Variants in ATG4B observed in about 807,000 individuals in gnomAD.
ATG4B encodes autophagy related 4B cysteine peptidase.
Under a neutral mutation model 56.6 loss-of-function variants are expected in ATG4B, and 29 were observed. The observed-to-expected ratio is 0.51, with a 90% CI of 0.38 to 0.70. ATG4B has a LOEUF of 0.70. ATG4B is among the 30% of genes least tolerant of loss of function. The pLI is 0.00. For missense variants in ATG4B, 461 were observed against 515.5 expected (o/e 0.89, Z 1.02); for synonymous variants, 224 against 206.1 (o/e 1.09, Z -0.74).
intron 12 of ATG4B, 103 bp downstream of exon 12, chr2:241,671,508 G>A: frequency 6.4e-7 from 1 of 1,553,570 alleles, no homozygotes; most frequent in Non-Finnish European, 8.7e-7. Flanking sequence ...GTGTGTGTGA[G>A]CCTGAGCCGT....
intron 1 of ATG4B, among the ~76,000 whole-genome samples, chr2:241,645,965 C>CGCA (rs1159101954): frequency 3.2e-4 from 49 of 152,298 alleles, no homozygotes; most frequent in African/African-American, 1.1e-3. Flanking sequence ...CTGCGCCACT[C>CGCA]CTGTTCACTG....
rs930952897 is a variant in ATG4B, at chr2:241,650,951, T to G, written c.11-59T>G. 13 of 1,419,102 alleles carry G rather than the reference T, an allele frequency of 9.2e-6. No homozygotes were observed. In the African/African-American group the frequency reaches 1.0e-4, roughly 11 times the overall value. The allele number at this position is 1,419,102 out of a possible 1,614,324, so 87.9% of individuals were successfully genotyped here. ...ACAGAAATGCTGTAAATGGCCTCTT[T>G]CGATACTAGTTTATGAAATTATAAG... is the stretch of plus-strand genomic sequence containing the variant. On this transcript the variant is annotated intron_variant, in intron 1 of 12. Coordinates refer to ENST00000404914, the MANE Select transcript of ATG4B (RefSeq NM_013325.5).
intron 1 of ATG4B, among the ~76,000 whole-genome samples, chr2:241,645,261 T>C (rs1231969751): frequency 6.7e-6 from 1 of 149,590 alleles, no homozygotes. Flanking sequence ...ATTGGCTCTT[T>C]TGTAGGAATC....
intron 3 of ATG4B, chr2:241,652,004 C>T (rs1439284471): frequency 7.7e-7 from 1 of 1,297,024 alleles, no homozygotes; most frequent in Non-Finnish European, 1.0e-6. Flanking sequence ...CATGCTTCCT[C>T]AGTGCCAGGT....
At chr2:241,660,167 C>G (rs796098250) in intron 7 of ATG4B, among the ~76,000 whole-genome samples, 1 of 152,148 alleles carries the variant, frequency 6.6e-6, no homozygotes, top group Non-Finnish European at 1.5e-5. Flanking sequence ...TCCAGCCTGG[C>G]CACAGAGCGA....
rs1481238301 is a variant in ATG4B at position 241,668,451 on chromosome 2, T to TG, written c.812-86dup. The stretch of plus-strand genomic sequence containing the variant: ...CTGCCCACTGCTTCTCAGTGTGATG[T>TG]GGGTGCAGTGGGTCTGAAATGCGGC... On this transcript the variant is annotated intron_variant, in intron 9 of 12. Coordinates refer to ENST00000404914, the MANE Select transcript of ATG4B (RefSeq NM_013325.5). The surrounding 1 kb of genome is among the most constrained non-coding windows in gnomAD (Gnocchi z 4.2). The TG allele has an allele frequency of 2.7e-6, 4 of 1,507,838 alleles. No homozygotes were observed. The African/African-American group carries it at 5.5e-5, about 21-fold the overall frequency. The allele number at this position is 1,507,838 out of a possible 1,614,324, so 93.4% of individuals were successfully genotyped here.
At chr2:241,644,752 C>T (rs920074461) in intron 1 of ATG4B, among the ~76,000 whole-genome samples, 2 of 152,078 alleles carry the variant, frequency 1.3e-5, no homozygotes, top group Admixed American at 1.3e-4. Context: ...GAGTTCGAGA[C>T]CAGCCTGACC....
intron 1 of ATG4B, among the ~76,000 whole-genome samples, chr2:241,649,703 C>T (rs2068170869): frequency 6.6e-6 from 1 of 152,180 alleles, no homozygotes; most frequent in Non-Finnish European, 1.5e-5. Flanking sequence ...CATGGGTATC[C>T]TCAGCCACAG....
At chr2:241,638,071 G>A (rs959911337) in intron 1 of ATG4B, among the ~76,000 whole-genome samples, 1 of 151,732 alleles carries the variant, frequency 6.6e-6, no homozygotes, top group African/African-American at 2.4e-5. Context: ...GGAGAGGCGC[G>A]GCGGCGAACG....
intron 7 of ATG4B, among the ~76,000 whole-genome samples, chr2:241,660,095 C>G (rs1323648677): frequency 2.6e-5 from 4 of 152,156 alleles, no homozygotes; most frequent in Non-Finnish European, 2.9e-5. Flanking sequence ...GAGGCTGAGG[C>G]AGAAGAATCG....
chr2:241,638,746 A>G (rs565549331), intron 1 of ATG4B, among the ~76,000 whole-genome samples: 1 of 152,352 alleles, frequency 6.6e-6, no homozygotes, highest in East Asian at 1.9e-4. Flanking sequence ...TAAATGTGGT[A>G]GGTGGCTGGA....
chr2:241,639,652 CA>C (rs1275348508), intron 1 of ATG4B, among the ~76,000 whole-genome samples: 1 of 152,152 alleles, frequency 6.6e-6, no homozygotes, highest in Non-Finnish European at 1.5e-5. Context: ...AGAGGGGACT[CA>C]AGGGTGGTCT....
intron 1 of ATG4B, 99 bp downstream of exon 1, chr2:241,637,823 CGCCGGTGCGGGCCAGGCTGG>C: frequency 1.5e-6 from 2 of 1,311,848 alleles, no homozygotes. Context: ...CCTCGGGGCA[CGCCGGTGCGGGCCAGGCTGG>C]GCCGGGGCGG....
At position 241,666,857 on chromosome 2, in the gene ATG4B, C is replaced by T. The variant is rs1251240871; in HGVS notation, c.732+19C>T. 10 of 1,543,830 alleles carry T rather than the reference C, an allele frequency of 6.5e-6. No homozygotes were observed. The highest frequency in any genetic ancestry group is 3.9e-5 in the Admixed American group (2 of 51,198). On this transcript the variant is annotated intron_variant, in intron 8 of 12. Coordinates refer to ENST00000404914, the MANE Select transcript of ATG4B (RefSeq NM_013325.5). Reference sequence around the variant, plus strand: ...GCTGAAGGTGGGTCCTGCCGTGCGGCGCTTGCCCTGAGTCCCCGTCCCCTT... The same window carrying T: ...GCTGAAGGTGGGTCCTGCCGTGCGGTGCTTGCCCTGAGTCCCCGTCCCCTT...
chr2:241,650,584 T>A (rs1041659863), intron 1 of ATG4B, among the ~76,000 whole-genome samples: 4 of 152,056 alleles, frequency 2.6e-5, no homozygotes, highest in Non-Finnish European at 4.4e-5. Flanking sequence ...AAGGAGGTGG[T>A]TTAACTTTAT....
rs1356453513 is a variant in ATG4B, at chr2:241,651,858, A to G, written c.184+523A>G. ...AGGTGAATGTGACATGTTTTTATGT[A>G]ACACTAAGGTGCATTCTGTTAAAAG... On this transcript the variant is annotated intron_variant, in intron 3 of 12. Transcript: ENST00000404914. This position sits in a 1 kb window ranked among gnomAD's most constrained non-coding sequence, Gnocchi z 4.1. The G allele has an allele frequency of 2.0e-5, 26 of 1,283,174 alleles. 1 individual carries two copies. In the Admixed American group the frequency reaches 6.0e-4, roughly 30 times the overall value. 79.5% of individuals were successfully genotyped at this position (1,283,174 alleles called of 1,614,324 possible). A position where few individuals can be genotyped will look rare whatever the true frequency, so the allele number is the denominator to read the frequency against.
chr2:241,637,834 G>T, intron 1 of ATG4B, 110 bp downstream of exon 1: 1 of 1,167,302 alleles, frequency 8.6e-7, no homozygotes, highest in Non-Finnish European at 1.1e-6. Flanking sequence ...GCCGGTGCGG[G>T]CCAGGCTGGG....
chr2:241,666,620 A>G, intron 7 of ATG4B, 25 bp from the exon 8 acceptor site: 1 of 1,611,252 alleles, frequency 6.2e-7, no homozygotes, highest in Non-Finnish European at 8.5e-7. Context: ...CTGCTTGGTT[A>G]GTGAAAGCAT....
intron 12 of ATG4B, 176 bp from the exon 13 acceptor site, chr2:241,672,015 C>G: frequency 7.0e-7 from 1 of 1,429,332 alleles, no homozygotes; most frequent in Non-Finnish European, 9.1e-7. Flanking sequence ...TCTCTGCTCC[C>G]TCCCCCCATA....
Sources: gnomAD v4.1 joint callset for allele counts (sites outside exome capture counted in the v4.1 genomes callset) on GRCh38, gnomAD v4.1.1 for gene constraint, Gnocchi (gnomAD v3.1) non-coding constraint, MANE v1.5 for transcripts, NCBI Gene and HGNC (gene_info 2026-07-23, HGNC 2026-07-21) for gene names.